The following CCDC30 variants were observed in gnomAD, a reference collection of about 807,000 sequenced individuals.
CCDC30 encodes coiled-coil domain containing 30.
CCDC30 carries 70 observed loss-of-function variants against 100.2 expected under a neutral mutation model. The observed-to-expected ratio is 0.70, with a 90% CI of 0.58 to 0.85. CCDC30 has a LOEUF of 0.85. Ranked by LOEUF, CCDC30 falls within the 40% of genes least tolerant of loss-of-function variation. The pLI, the probability that CCDC30 is intolerant of heterozygous loss-of-function variation, is 0.00. For synonymous variants in CCDC30, 233 were observed against 269.5 expected, an observed-to-expected ratio of 0.86 and a Z score of 1.33; for missense variants, 652 against 771.2, an observed-to-expected ratio of 0.85 and a Z score of 1.83.
intron 6 of CCDC30, among the ~76,000 whole-genome samples, chr1:42,504,920 A>G (rs1644373065): frequency 6.6e-6 from 1 of 152,220 alleles, no homozygotes; most frequent in Non-Finnish European, 1.5e-5. Context: ...ACCCAATAAA[A>G]AGTCCTGGTG....
chr1:42,622,717 G>A (rs752061867), intron 11 of CCDC30, among the ~76,000 whole-genome samples: 8 of 151,912 alleles, frequency 5.3e-5, no homozygotes, highest in East Asian at 1.9e-4. Flanking sequence ...GAAGTGATCC[G>A]CCCGCCTTGG....
At chr1:42,578,950 C>T (rs1452523896) in intron 8 of CCDC30, among the ~76,000 whole-genome samples, 1 of 152,140 alleles carries the variant, frequency 6.6e-6, no homozygotes, top group African/African-American at 2.4e-5. Flanking sequence ...TATGGGGTAG[C>T]CCTGCTGTGT....
chr1:42,624,064 T>G (rs1646888523), intron 11 of CCDC30, among the ~76,000 whole-genome samples: 1 of 152,190 alleles, frequency 6.6e-6, no homozygotes, highest in Non-Finnish European at 1.5e-5. Context: ...TGCTACTGAT[T>G]TTTGTATGTT....
intron 6 of CCDC30, among the ~76,000 whole-genome samples, chr1:42,503,228 G>A (rs956402585): frequency 6.6e-6 from 1 of 152,118 alleles, no homozygotes; most frequent in African/African-American, 2.4e-5. Flanking sequence ...CCTGGGGTTC[G>A]TCATCTTACA....
chr1:42,512,855 G>T (rs1423402167), intron 6 of CCDC30, among the ~76,000 whole-genome samples: 1 of 152,150 alleles, frequency 6.6e-6, no homozygotes, highest in African/African-American at 2.4e-5. Context: ...GTTTCTGGGG[G>T]ATTCTCCATG....
the CCDC30 span, chr1:42,456,406 C>T: frequency 3.7e-6 from 3 of 820,802 alleles, no homozygotes; most frequent in African/African-American, 5.2e-5. Flanking sequence ...TGGGGCAGAA[C>T]AACTACGCAT....
chr1:42,573,946 A>G (rs1645784501), intron 7 of CCDC30, among the ~76,000 whole-genome samples: 1 of 152,050 alleles, frequency 6.6e-6, no homozygotes, highest in Admixed American at 6.6e-5. Flanking sequence ...CCAATTTTGC[A>G]TTCCTGGGAT....
chr1:42,601,856 C>A (rs995627454), intron 10 of CCDC30, among the ~76,000 whole-genome samples: 3 of 152,166 alleles, frequency 2.0e-5, no homozygotes, highest in Non-Finnish European at 4.4e-5. Context: ...CCAGCCCTAA[C>A]AAGATGGCGA....
intron 11 of CCDC30, among the ~76,000 whole-genome samples, chr1:42,614,389 T>C (rs1646685595): frequency 6.6e-6 from 1 of 151,952 alleles, no homozygotes; most frequent in Admixed American, 6.6e-5. Flanking sequence ...CAATATTCTT[T>C]AATTGAGATA....
intron 6 of CCDC30, among the ~76,000 whole-genome samples, chr1:42,516,460 G>C (rs569320354): frequency 6.6e-6 from 1 of 151,644 alleles, no homozygotes. Context: ...TGAATTCCTC[G>C]GGAGGCTGAG....
intron 1 of CCDC30, among the ~76,000 whole-genome samples, chr1:42,476,841 T>C (rs1289280946): frequency 6.6e-6 from 1 of 151,698 alleles, no homozygotes; most frequent in Non-Finnish European, 1.5e-5. Context: ...ATTTTCCTTT[T>C]TTCCTTTTAG....
chr1:42,598,319 T>G (rs1299337072), intron 10 of CCDC30, among the ~76,000 whole-genome samples: 1 of 151,336 alleles, frequency 6.6e-6, no homozygotes, highest in African/African-American at 2.4e-5. Context: ...GAGTTCAAGA[T>G]CAGTCTGGGC....
intron 6 of CCDC30, among the ~76,000 whole-genome samples, chr1:42,508,125 A>G (rs1345278655): frequency 6.6e-6 from 1 of 152,180 alleles, no homozygotes; most frequent in East Asian, 1.9e-4. Context: ...CAGGGTGGAG[A>G]CCTTGGAGGA....
At chr1:42,501,628 G>A (rs996039610) in intron 6 of CCDC30, among the ~76,000 whole-genome samples, 1 of 152,134 alleles carries the variant, frequency 6.6e-6, no homozygotes, top group African/African-American at 2.4e-5. Flanking sequence ...TACAGATGGG[G>A]TTTTGGTGTG....
At chr1:42,484,874 T>G (rs1644024597) in intron 3 of CCDC30, among the ~76,000 whole-genome samples, 1 of 152,104 alleles carries the variant, frequency 6.6e-6, no homozygotes, top group Admixed American at 6.6e-5. Flanking sequence ...CCTCAACAAA[T>G]GAATATCAAG....
chr1:42,633,098 A>G (rs1260035988), intron 11 of CCDC30, among the ~76,000 whole-genome samples: 1 of 152,152 alleles, frequency 6.6e-6, no homozygotes, highest in African/African-American at 2.4e-5. Context: ...GTGTAAGCCA[A>G]CACGCCTGGC....
chr1:42,567,181 G>T (rs1645622784), intron 7 of CCDC30, among the ~76,000 whole-genome samples: 1 of 140,778 alleles, frequency 7.1e-6, no homozygotes, highest in Admixed American at 6.9e-5. Context: ...TCCCCATGGT[G>T]CAGGGGTCAG....
intron 13 of CCDC30, 134 bp downstream of exon 17, chr1:42,642,743 T>G: frequency 1.2e-6 from 1 of 844,076 alleles, no homozygotes; most frequent in Non-Finnish European, 1.7e-6. Flanking sequence ...TCTGCTGTTT[T>G]TGGCAGATCA....
At chr1:42,474,957 A>G (rs748903508) in intron 1 of CCDC30, among the ~76,000 whole-genome samples, 7 of 152,236 alleles carry the variant, frequency 4.6e-5, no homozygotes, top group Non-Finnish European at 8.8e-5. Context: ...ACATTTAATC[A>G]TCTTAGCCAT....
Sources: gnomAD v4.1 joint callset for allele counts (sites outside exome capture counted in the v4.1 genomes callset) on GRCh38, gnomAD v4.1.1 for gene constraint, MANE v1.5 for transcripts, NCBI Gene and HGNC (gene_info 2026-07-23, HGNC 2026-07-21) for gene names.